USP29: variants seen among roughly 807,000 people sequenced by gnomAD.
USP29 encodes ubiquitin specific peptidase 29, also known as ubiquitin carboxyl-terminal hydrolase 29.
For missense variants in USP29, 1,102 were observed against 1,069.0 expected, an observed-to-expected ratio of 1.03 and a Z score of -0.43; for synonymous variants, 386 against 387.4, an observed-to-expected ratio of 1.00 and a Z score of 0.04.
Position 57,130,867 on chromosome 19 carries a change from C to A in USP29, c.2192C>A (p.Ala731Asp). Residue 731 changes from alanine (A) to aspartate (D), a missense_variant, in exon 4 of 4, where the codon GCT becomes GAT. Physicochemically the swap from Ala to Asp is moderately radical, Grantham distance 126 (BLOSUM62 -2). Transcript: ENST00000254181. Reference protein sequence around the residue: ...NRIPEGSQGMAEQLQQCIEES... With the variant: ...NRIPEGSQGMDEQLQQCIEES... ...ATTCCAGAAGGATCTCAAGGAATGG[C>A]TGAACAGCTCCAGCAGTGTATTGAG... 3 of 1,614,182 alleles carry A rather than the reference C, an allele frequency of 1.9e-6. No individual in the cohort carries two copies. Among genetic ancestry groups the A allele is most frequent in the Non-Finnish European group, 2.5e-6 (3 of 1,180,036 alleles).
Position 57,129,661 on chromosome 19 carries a change from T to C in USP29, c.986T>C (p.Ile329Thr). The C allele has an allele frequency of 1.9e-6, 3 of 1,614,234 alleles. No homozygotes were observed. The highest frequency in any genetic ancestry group is 2.5e-6 in the Non-Finnish European group (3 of 1,180,046). The change falls in exon 4 of 4, where the codon ATT becomes ACT. Residue 329 changes from isoleucine to threonine, a missense_variant. Transcript: ENST00000254181. ...PWEYIPFEAL[I>T]MTLTQLLALK... Reference sequence around the variant, plus strand: ...GAATATATTCCCTTTGAGGCTCTTATTATGACCTTGACCCAGCTGCTTGCT... The same window carrying C: ...GAATATATTCCCTTTGAGGCTCTTACTATGACCTTGACCCAGCTGCTTGCT...
rs368370770 is a variant in USP29 at position 57,130,932 on chromosome 19, C to T, written c.2257C>T (p.Pro753Ser). 4 of 1,614,050 alleles carry T rather than the reference C, an allele frequency of 2.5e-6. No homozygotes were observed. The highest frequency in any genetic ancestry group is 3.4e-6 in the Non-Finnish European group (4 of 1,180,030). Reference protein sequence around the residue: ...IDEFLQQAPPPGVRKLDAQEH... With the variant: ...IDEFLQQAPPSGVRKLDAQEH... ...TGAATTTCTTCAGCAGGCACCACCT[C>T]CAGGTGTTAGGAAGCTGGATGCCCA... Residue 753 changes from proline (P) to serine (S), a missense_variant, in exon 4 of 4, where the codon CCA becomes TCA. By Grantham distance (74) the Pro-to-Ser change is moderately conservative. Transcript: ENST00000254181.
In USP29 at chr19:57,131,780, C is replaced by T; in HGVS notation, c.*336C>T. ...GGGTCACTCTCTAGACCAACTGATGCAGAAACAGGAGGTGTGAGCCAGCAA... is the reference window on the plus strand; with the variant it reads ...GGGTCACTCTCTAGACCAACTGATGTAGAAACAGGAGGTGTGAGCCAGCAA... On this transcript the variant is annotated 3_prime_UTR_variant, in exon 4 of 4. Transcript: ENST00000254181. 1 of 243,804 alleles carries T rather than the reference C, an allele frequency of 4.1e-6. No individual in the cohort carries two copies. Among genetic ancestry groups the T allele is most frequent in the Non-Finnish European group, 8.5e-6 (1 of 118,138 alleles). The allele number at this position is 243,804 out of a possible 1,614,324, so 15.1% of individuals were successfully genotyped here.
rs2086861779 is a variant in USP29 at position 57,131,578 on chromosome 19, T to G, written c.*134T>G. 4.3e-6 allele frequency: 6 copies of G among 1,394,788 alleles called. No individual in the cohort carries two copies. In the Admixed American group the frequency reaches 9.7e-5, roughly 23 times the overall value. The allele number at this position is 1,394,788 out of a possible 1,614,324, so 86.4% of individuals were successfully genotyped here. A position where few individuals can be genotyped will look rare whatever the true frequency, so the allele number is the denominator to read the frequency against. On this transcript the variant is annotated 3_prime_UTR_variant, in exon 4 of 4. Coordinates refer to ENST00000254181, the MANE Select transcript of USP29 (RefSeq NM_020903.3). The stretch of plus-strand genomic sequence containing the variant: ...AAATCTCAATGAAAAACACTTATTT[T>G]GGGGGAATATCTATTTTAACTGCTT...
rs2086853724 is a variant in USP29 at position 57,130,717 on chromosome 19, A to G, written c.2042A>G (p.His681Arg). The change falls in exon 4 of 4, where the codon CAT becomes CGT. Residue 681 changes from histidine to arginine, a missense_variant. Coordinates refer to ENST00000254181, the MANE Select transcript of USP29 (RefSeq NM_020903.3). ...CCAGACACAAGGCTTGTCGAGGTTC[A>G]TCTTCAAGAGGTGCCTCAACATCCA... ...SSPDTRLVEV[H>R]LQEVPQHPEL... 6.2e-7 allele frequency: 1 copy of G among 1,614,226 alleles called. No homozygotes were observed. Among genetic ancestry groups the G allele is most frequent in the Non-Finnish European group, 8.5e-7 (1 of 1,180,032 alleles).
chr19:57,130,154 T>C lies in USP29; in HGVS notation c.1479T>C (p.Ser493=), dbSNP rs1396974723. 6.2e-7 allele frequency: 1 copy of C among 1,613,924 alleles called. No homozygotes were observed. Among genetic ancestry groups the C allele is most frequent in the Non-Finnish European group, 8.5e-7 (1 of 1,180,006 alleles). Residue 493 remains serine (S), a synonymous_variant, in exon 4 of 4, where the codon AGT becomes AGC. Transcript: ENST00000254181. ...ACTGTCAGATGTGTAAGCAGAAGAG[T>C]TGTGTTGCAAGGCATACATTTAGTA... ...EYNCQMCKQK[S]CVARHTFSRL...
chr19:57,122,513 ATG>A (rs761754087), intron 2 of USP29, 39 bp downstream of exon 2: 12,071 of 135,298 alleles, frequency 0.089, 391 homozygotes, highest in African/African-American at 0.14. Flanking sequence ...GGGTGATGGG[ATG>A]TGTGTGTGTG....
At position 57,128,767 on chromosome 19, in the gene USP29, A is replaced by G. The variant is rs1203252301; in HGVS notation, c.92A>G (p.Gln31Arg). ...KLKEALIETV[Q>R]RQKEIKLVVT... ...AAAGAAGCTCTCATTGAAACAGTGCAAAGACAAAAGGAAATTAAACTGGTG... is the reference window on the plus strand; with the variant it reads ...AAAGAAGCTCTCATTGAAACAGTGCGAAGACAAAAGGAAATTAAACTGGTG... The change falls in exon 4 of 4, where the codon CAA becomes CGA. Residue 31 changes from glutamine to arginine, a missense_variant. Coordinates refer to ENST00000254181, the MANE Select transcript of USP29 (RefSeq NM_020903.3). 1 of 1,613,806 alleles carries G rather than the reference A, an allele frequency of 6.2e-7. No homozygotes were observed. Among genetic ancestry groups the G allele is most frequent in the East Asian group, 2.2e-5 (1 of 44,844 alleles).
At chr19:57,125,214 G>C (rs919414123) in intron 3 of USP29, among the ~76,000 whole-genome samples, 5 of 152,090 alleles carry the variant, frequency 3.3e-5, no homozygotes, top group African/African-American at 1.2e-4. Flanking sequence ...AGTTATAATT[G>C]GATTGCACTG....
In USP29 at chr19:57,129,541, A is replaced by G. The variant is rs1190995476; in HGVS notation, c.866A>G (p.Asn289Ser). 5 of 1,614,216 alleles carry G rather than the reference A, an allele frequency of 3.1e-6. No individual in the cohort carries two copies. The highest frequency in any genetic ancestry group is 4.2e-6 in the Non-Finnish European group (5 of 1,180,040). ...HSQQLQQGFP[N>S]LGNTCYMNAV... is the part of the protein sequence containing the mutation. ...CAGCAACTGCAGCAGGGGTTCCCCAATTTGGGAAACACCTGTTACATGAAT... is the reference window on the plus strand; with the variant it reads ...CAGCAACTGCAGCAGGGGTTCCCCAGTTTGGGAAACACCTGTTACATGAAT... The change falls in exon 4 of 4, where the codon AAT becomes AGT. Residue 289 changes from asparagine to serine, a missense_variant. Asn to Ser is a conservative substitution (Grantham distance 46). Coordinates refer to ENST00000254181, the MANE Select transcript of USP29 (RefSeq NM_020903.3).
Position 57,131,437 on chromosome 19 carries a change from C to T in USP29, c.2762C>T (p.Pro921Leu). The change falls in exon 4 of 4, where the codon CCT becomes CTT. Residue 921 changes from proline to leucine, a missense_variant. Transcript: ENST00000254181. ...TACGAAGGTGACTCTTTGTACAGAC[C>T]TGCTTGACAGACTCACTCGGCCTCA... ...GEYEGDSLYR[P>L]A 3 of 1,603,798 alleles carry T rather than the reference C, an allele frequency of 1.9e-6. No individual in the cohort carries two copies. The highest frequency in any genetic ancestry group is 2.6e-6 in the Non-Finnish European group (3 of 1,175,446).
chr19:57,120,568 C>T (rs1175803512), intron 1 of USP29, among the ~76,000 whole-genome samples: 2 of 148,902 alleles, frequency 1.3e-5, no homozygotes, highest in African/African-American at 2.5e-5. Context: ...GGGTAGATCA[C>T]CTGAGGTCAG....
In USP29 at chr19:57,131,229, G is replaced by T. The variant is rs1210713164; in HGVS notation, c.2554G>T (p.Ala852Ser). The change falls in exon 4 of 4, where the codon GCC (alanine) becomes TCC (serine). Residue 852 changes from alanine to serine, a missense_variant. Coordinates refer to ENST00000254181, the MANE Select transcript of USP29 (RefSeq NM_020903.3). ...ISDVYDFQKQ[A>S]WFTYNDLCVS... ...CGATGTGTATGACTTTCAGAAGCAG[G>T]CCTGGTTCACATACAACGATCTATG... 4 of 1,614,058 alleles carry T rather than the reference G, an allele frequency of 2.5e-6. No homozygotes were observed. Among genetic ancestry groups the T allele is most frequent in the African/African-American group, 2.7e-5 (2 of 74,904 alleles).
Position 57,129,854 on chromosome 19 carries a change from C to T in USP29, c.1179C>T (p.Ala393=), listed in dbSNP as rs144927924. The part of the protein sequence containing the change: ...QLKEDMEKLN[A]TLNTGKECGD... ...AAGAAGACATGGAAAAATTAAATGC[C>T]ACTTTGAATACTGGGAAAGAATGTG... is the stretch of plus-strand genomic sequence containing the variant. The change falls in exon 4 of 4, where the codon GCC becomes GCT. Residue 393 remains alanine, a synonymous_variant. Coordinates refer to ENST00000254181, the MANE Select transcript of USP29 (RefSeq NM_020903.3). 7 of 1,613,944 alleles carry T rather than the reference C, an allele frequency of 4.3e-6. No homozygotes were observed. Among genetic ancestry groups the T allele is most frequent in the African/African-American group, 2.7e-5 (2 of 74,890 alleles).
In USP29 at chr19:57,130,510, A is replaced by T; in HGVS notation, c.1835A>T (p.Asp612Val). 6.2e-7 allele frequency: 1 copy of T among 1,614,150 alleles called. No homozygotes were observed. Among genetic ancestry groups the T allele is most frequent in the Non-Finnish European group, 8.5e-7 (1 of 1,180,020 alleles). Reference sequence around the variant, plus strand: ...CAAAGATTCCAGAGAGACTGTGGAGATGCAAGCCAAGAGCAGCATCAGAGA... The same window carrying T: ...CAAAGATTCCAGAGAGACTGTGGAGTTGCAAGCCAAGAGCAGCATCAGAGA... The part of the protein sequence containing the change: ...DLQRFQRDCG[D>V]ASQEQHQRDL... The change falls in exon 4 of 4, where the codon GAT (aspartate) becomes GTT (valine). Residue 612 changes from aspartate (D) to valine (V), a missense_variant. By Grantham distance (152) the Asp-to-Val change is radical (BLOSUM62 -3). Coordinates refer to ENST00000254181, the MANE Select transcript of USP29 (RefSeq NM_020903.3).
intron 1 of USP29, among the ~76,000 whole-genome samples, chr19:57,120,809 A>AAAAAAAAAAAAAAAAG: frequency 6.8e-6 from 1 of 147,480 alleles, no homozygotes. Context: ...AAAAAAAAAA[A>AAAAAAAAAAAAAAAAG]AAAACAGAAA....
rs1264042524 is a variant in USP29, at chr19:57,131,152, T to C, written c.2477T>C (p.Ile826Thr). ...GATCCTCTCCAGGCCTACAGACTCA[T>C]CAGTGTTGTCAGCCATATCGGGAGC... is the stretch of plus-strand genomic sequence containing the variant. ...MGDPLQAYRL[I>T]SVVSHIGSSP... Residue 826 changes from isoleucine (I) to threonine (T), a missense_variant, in exon 4 of 4, where the codon ATC becomes ACC. Ile to Thr is a moderately conservative substitution (Grantham distance 89). Coordinates refer to ENST00000254181, the MANE Select transcript of USP29 (RefSeq NM_020903.3). 1.2e-6 allele frequency: 2 copies of C among 1,614,210 alleles called. No homozygotes were observed. Among genetic ancestry groups the C allele is most frequent in the Non-Finnish European group, 1.7e-6 (2 of 1,180,036 alleles).
Position 57,129,295 on chromosome 19 carries a change from G to T in USP29, c.620G>T (p.Arg207Met), listed in dbSNP as rs754130044. The change falls in exon 4 of 4, where the codon AGG becomes ATG. Residue 207 changes from arginine (R) to methionine (M), a missense_variant. Transcript: ENST00000254181. ...TCCTTGAAATATATACAAAGCAATA[G>T]GAAGAACCCATCAAGTTTAGAGGAT... ...TDSLKYIQSNRKNPSSLEDLE... is the reference protein window; with the variant it reads ...TDSLKYIQSNMKNPSSLEDLE... The T allele has an allele frequency of 6.2e-7, 1 of 1,614,060 alleles. No homozygotes were observed. Among genetic ancestry groups the T allele is most frequent in the Non-Finnish European group, 8.5e-7 (1 of 1,180,012 alleles).
intron 1 of USP29, among the ~76,000 whole-genome samples, chr19:57,121,373 C>T (rs994569813): frequency 7.2e-6 from 1 of 139,684 alleles, no homozygotes; most frequent in Non-Finnish European, 1.5e-5. Context: ...ATGTTATATA[C>T]TTATATATGT....
Sources: gnomAD v4.1 joint callset for allele counts (sites outside exome capture counted in the v4.1 genomes callset) on GRCh38, gnomAD v4.1.1 for gene constraint, MANE v1.5 for transcripts, NCBI Gene and HGNC (gene_info 2026-07-23, HGNC 2026-07-21) for gene names.